USH2A: variants seen among roughly 807,000 people sequenced by gnomAD.
USH2A encodes the protein usherin, also known as Usher syndrome 2A (autosomal recessive, mild).
In USH2A, 443 loss-of-function variants were observed where a neutral mutation model predicts 538.9. The ratio of observed to expected loss-of-function variants is 0.82; its 90% CI spans 0.76 to 0.89. USH2A has a LOEUF of 0.89. USH2A is among the 40% of genes least tolerant of loss of function. The probability of loss-of-function intolerance (pLI) is 0.00; values close to 1 mark genes in which losing one functional copy is unlikely to be tolerated. For synonymous variants in USH2A, 2,413 were observed against 2,273.5 expected, an observed-to-expected ratio of 1.06 and a Z score of -1.75; for missense variants, 6,633 against 6,324.8, an observed-to-expected ratio of 1.05 and a Z score of -1.65.
chr1:216,092,075 T>G (rs1431260372), intron 22 of USH2A, among the ~76,000 whole-genome samples: 4 of 152,182 alleles, frequency 2.6e-5, no homozygotes, highest in South Asian at 4.1e-4. Flanking sequence ...AAAATATCTG[T>G]GTAATCATTA....
At chr1:216,239,793 G>A (rs897338475) in intron 13 of USH2A, among the ~76,000 whole-genome samples, 8 of 152,016 alleles carry the variant, frequency 5.3e-5, no homozygotes, top group African/African-American at 1.2e-4. Flanking sequence ...AGTAAGGGTG[G>A]CAAGAAGTGG....
At chr1:215,957,119 T>G (rs1454633990) in intron 37 of USH2A, among the ~76,000 whole-genome samples, 2 of 152,184 alleles carry the variant, frequency 1.3e-5, no homozygotes, top group Non-Finnish European at 2.9e-5. Context: ...TAACTATACT[T>G]TCTTTTTTGC....
intron 4 of USH2A, among the ~76,000 whole-genome samples, chr1:216,351,731 G>A (rs562579237): frequency 9.9e-5 from 15 of 152,142 alleles, no homozygotes; most frequent in Admixed American, 1.3e-4. Flanking sequence ...CAGTAATCCC[G>A]GCAAAGCAGC....
At chr1:216,322,124 G>C in intron 8 of USH2A, 148 bp from the exon 9 acceptor site, 5 of 790,210 alleles carry the variant, frequency 6.3e-6, no homozygotes, top group Non-Finnish European at 1.1e-5. Flanking sequence ...CCTTAATCGT[G>C]TGGATATCCA....
intron 32 of USH2A, among the ~76,000 whole-genome samples, chr1:216,021,360 T>C (rs1668840655): frequency 6.6e-6 from 1 of 152,164 alleles, no homozygotes; most frequent in East Asian, 1.9e-4. Context: ...GATCTGACCA[T>C]TTTATAAGAG....
chr1:215,839,932 C>T (rs938688583), intron 46 of USH2A, among the ~76,000 whole-genome samples: 2 of 151,866 alleles, frequency 1.3e-5, no homozygotes, highest in South Asian at 2.1e-4. Context: ...CTTAGGCAGG[C>T]GGATCACCTG....
In USH2A at chr1:215,888,834, T is replaced by G; in HGVS notation, c.7815A>C (p.Ser2605=). Residue 2605 remains serine (S), a synonymous_variant, in exon 41 of 72, where the codon TCA becomes TCC. Transcript: ENST00000307340. ...ACTCTGGTGAAAGGGAACATCCTTT[T>G]GAAGTGCAGGCTTCTACCTGAAACT... ...AYKFQVEACT[S]KGCSLSPESQ... 1 of 1,614,158 alleles carries G rather than the reference T, an allele frequency of 6.2e-7. No individual in the cohort carries two copies. Among genetic ancestry groups the G allele is most frequent in the Admixed American group, 1.7e-5 (1 of 60,024 alleles).
chr1:216,134,492 T>C (rs1044536516), intron 21 of USH2A, among the ~76,000 whole-genome samples: 1 of 152,056 alleles, frequency 6.6e-6, no homozygotes, highest in Admixed American at 6.6e-5. Flanking sequence ...GTCAACAGTA[T>C]TAGTTTAATC....
In USH2A at chr1:215,878,785, T is replaced by C. The variant is rs1664835856; in HGVS notation, c.8537A>G (p.Lys2846Arg). 1 of 1,613,988 alleles carries C rather than the reference T, an allele frequency of 6.2e-7. No homozygotes were observed. The highest frequency in any genetic ancestry group is 1.1e-5 in the South Asian group (1 of 91,068). The change falls in exon 42 of 72, where the codon AAG becomes AGG. Residue 2846 changes from lysine (K) to arginine (R), a missense_variant. By Grantham distance (26) the Lys-to-Arg change is conservative. Coordinates refer to ENST00000307340, the MANE Select transcript of USH2A (RefSeq NM_206933.4). ...YVVISWQPPSKPNGPNLRYEL... is the reference protein window; with the variant it reads ...YVVISWQPPSRPNGPNLRYEL... ...TTACCTCAAATTAGGTCCATTTGGCTTGGATGGTGGTTGCCAAGAAATCAC... is the reference window on the plus strand; with the variant it reads ...TTACCTCAAATTAGGTCCATTTGGCCTGGATGGTGGTTGCCAAGAAATCAC...
chr1:215,729,324 G>C (rs908704732), intron 60 of USH2A, among the ~76,000 whole-genome samples: 1 of 152,104 alleles, frequency 6.6e-6, no homozygotes, highest in Non-Finnish European at 1.5e-5. Context: ...TCACTTCTTA[G>C]ATGCCACTTA....
chr1:216,138,741 T>G (rs373375191), intron 21 of USH2A, among the ~76,000 whole-genome samples: 11 of 152,102 alleles, frequency 7.2e-5, no homozygotes, highest in African/African-American at 2.7e-4. Context: ...CTTTTTCTGA[T>G]GAAAGAAAAG....
At position 215,743,388 on chromosome 1, in the gene USH2A, G is replaced by A. The variant is rs6540907; in HGVS notation, c.11390-53C>T. ...ATTAAAAACATATATATATATATAT[G>A]TGTGTGTGTGTGTGTGTGTGTGTGT... On this transcript the variant is annotated intron_variant, in intron 58 of 71. Transcript: ENST00000307340. 14,955 of 78,988 alleles carry A rather than the reference G, an allele frequency of 0.19. 199 individuals carry two copies. Among genetic ancestry groups the A allele is most frequent in the East Asian group, 0.28 (802 of 2,854 alleles). The allele number at this position is 78,988 out of a possible 1,614,324, so 4.9% of individuals were successfully genotyped here.
intron 3 of USH2A, among the ~76,000 whole-genome samples, chr1:216,380,980 T>C (rs1019335830): frequency 6.6e-6 from 1 of 152,074 alleles, no homozygotes; most frequent in African/African-American, 2.4e-5. Flanking sequence ...TTCAGTACAT[T>C]CAAAAATATA....
chr1:215,716,370 A>C (rs1276638653), intron 61 of USH2A, among the ~76,000 whole-genome samples: 1 of 152,236 alleles, frequency 6.6e-6, no homozygotes, highest in Non-Finnish European at 1.5e-5. Flanking sequence ...GTCCACTTAT[A>C]GAAACCAACC....
At chr1:216,097,312 G>A in intron 21 of USH2A, 99 bp from the exon 22 acceptor site, 1 of 1,592,648 alleles carries the variant, frequency 6.3e-7, no homozygotes, top group Non-Finnish European at 8.6e-7. Flanking sequence ...GATGTAGTGA[G>A]TACAGTCAGG....
Position 216,246,585 on chromosome 1 carries a change from C to G in USH2A, c.2809G>C (p.Gly937Arg). 6.2e-7 allele frequency: 1 copy of G among 1,613,952 alleles called. No homozygotes were observed. The highest frequency in any genetic ancestry group is 8.5e-7 in the Non-Finnish European group (1 of 1,179,898). Residue 937 changes from glycine to arginine, a missense_variant and splice_region_variant, in exon 13 of 72, where the codon GGT (glycine) becomes CGT (arginine). By Grantham distance (125) the Gly-to-Arg change is moderately radical. Coordinates refer to ENST00000307340, the MANE Select transcript of USH2A (RefSeq NM_206933.4). ...AAAATGTAATACATTTCTTTCTTAC[C>G]TGGTTGACACTGATTACACCTTCTT... ...QGRRCNQCQP[G>R]FYISPGNATG... is the part of the protein sequence containing the mutation.
intron 38 of USH2A, among the ~76,000 whole-genome samples, chr1:215,913,569 T>TG (rs1192442971): frequency 6.6e-5 from 10 of 152,054 alleles, no homozygotes; most frequent in Admixed American, 3.9e-4. Flanking sequence ...ACGAAGGAGA[T>TG]GGGGAATCAC....
chr1:216,326,223 C>T (rs1401746436), intron 5 of USH2A, among the ~76,000 whole-genome samples: 2 of 152,128 alleles, frequency 1.3e-5, no homozygotes, highest in Non-Finnish European at 1.5e-5. Flanking sequence ...TTTAATTTTT[C>T]CATTAGGGGC....
At chr1:216,224,312 C>A (rs766049003) in intron 14 of USH2A, among the ~76,000 whole-genome samples, 1 of 152,100 alleles carries the variant, frequency 6.6e-6, no homozygotes, top group African/African-American at 2.4e-5. Flanking sequence ...CCACTACCAA[C>A]TGAGATGAAT....
Sources: gnomAD v4.1 joint callset for allele counts (sites outside exome capture counted in the v4.1 genomes callset) on GRCh38, gnomAD v4.1.1 for gene constraint, MANE v1.5 for transcripts, NCBI Gene and HGNC (gene_info 2026-07-23, HGNC 2026-07-21) for gene names.